Variants in MKKS observed in about 807,000 individuals in gnomAD.
MKKS encodes the protein MKKS centrosomal shuttling protein.
In MKKS, 29 loss-of-function variants were observed where a neutral mutation model predicts 33.2. That is an observed-to-expected ratio of 0.87 (90% confidence interval 0.65 to 1.19). The LOEUF is 1.19. Among genes scored for constraint, MKKS ranks in the 50% most tolerant of loss-of-function variants. MKKS has a pLI of 0.00. For missense variants in MKKS, 661 were observed against 662.3 expected, an observed-to-expected ratio of 1.00 and a Z score of 0.02; for synonymous variants, 260 against 244.0, an observed-to-expected ratio of 1.07 and a Z score of -0.61.
chr20:10,433,212 G>A (rs1327031862), intron 1 of MKKS, among the ~76,000 whole-genome samples: 1 of 152,226 alleles, frequency 6.6e-6, no homozygotes, highest in Non-Finnish European at 1.5e-5. Context: ...CGCCACGTTG[G>A]CCTGGCTGGC....
chr20:10,431,229 G>T (rs1309927291), intron 1 of MKKS, among the ~76,000 whole-genome samples: 5 of 152,048 alleles, frequency 3.3e-5, no homozygotes, highest in Admixed American at 6.6e-5. Context: ...CGAATATTTT[G>T]ACTAAAATTG....
chr20:10,409,675 G>T (rs898238266), intron 3 of MKKS, among the ~76,000 whole-genome samples: 5 of 152,002 alleles, frequency 3.3e-5, no homozygotes, highest in African/African-American at 1.2e-4. Flanking sequence ...GGTTTAGTTT[G>T]AAAGTCTAAA....
chr20:10,427,029 GACACACACACACACACAC>G (rs377703248), intron 1 of MKKS, among the ~76,000 whole-genome samples: 47 of 130,724 alleles, frequency 3.6e-4, no homozygotes, highest in Non-Finnish European at 5.3e-4. Context: ...AGAAAACACT[GACACACACACACACACAC>G]ACACACACAC....
chr20:10,408,943 T>C, intron 3 of MKKS, 140 bp from the exon 4 acceptor site: 1 of 640,914 alleles, frequency 1.6e-6, no homozygotes, highest in Non-Finnish European at 2.7e-6. Context: ...ATAAATAAGA[T>C]GAATATTCCT....
At chr20:10,424,066 C>T (rs190417055) in intron 1 of MKKS, among the ~76,000 whole-genome samples, 1 of 152,262 alleles carries the variant, frequency 6.6e-6, no homozygotes, top group East Asian at 1.9e-4. Context: ...TGATTAGGAT[C>T]AGTATGGAAG....
rs1054177685 is a variant in MKKS, at chr20:10,415,647, C to T, written c.-417-1716G>A. On this transcript the variant is annotated intron_variant, in intron 2 of 5. Transcript: ENST00000347364. ...TCTGAGAAATACATTTAAATGAAAC[C>T]TCACAAAGTGACTTCTATATGTTAA... Among the ~76,000 whole-genome samples the T allele has an allele frequency of 3.3e-5, 5 of 152,150 alleles. No homozygotes were observed. The East Asian group carries it at 7.7e-4, about 23-fold the overall frequency.
In MKKS at chr20:10,413,735, T is replaced by C; in HGVS notation, c.-221A>G. 1.6e-6 allele frequency: 1 copy of C among 614,042 alleles called. No homozygotes were observed. Among genetic ancestry groups the C allele is most frequent in the Non-Finnish European group, 2.8e-6 (1 of 351,010 alleles). 38.0% of individuals were successfully genotyped at this position (614,042 alleles called of 1,614,324 possible). ...AGTAATTCCAAATATTTATTTTACTTCACTCTTCAATACTCTTTTGTTTGC... is the reference window on the plus strand; with the variant it reads ...AGTAATTCCAAATATTTATTTTACTCCACTCTTCAATACTCTTTTGTTTGC... On this transcript the variant is annotated 5_prime_UTR_variant, in exon 3 of 6. The change abolishes the stop of an existing upstream ORF in the 5' untranslated region. Transcript: ENST00000347364.
At position 10,413,518 on chromosome 20, in the gene MKKS, A is replaced by AC; in HGVS notation, c.-5dup. ...TCTTAGCTTCCAAACGAGACATCTT[A>AC]CTTCAGGTGGTAACTAGTGAAGACC... On this transcript the variant is annotated 5_prime_UTR_variant, in exon 3 of 6. Transcript: ENST00000347364. 6.2e-7 allele frequency: 1 copy of AC among 1,614,160 alleles called. No homozygotes were observed. The highest frequency in any genetic ancestry group is 8.5e-7 in the Non-Finnish European group (1 of 1,180,008).
At chr20:10,418,177 G>A (rs2064953955) in intron 2 of MKKS, among the ~76,000 whole-genome samples, 1 of 152,214 alleles carries the variant, frequency 6.6e-6, no homozygotes, top group South Asian at 2.1e-4. Context: ...GGACTACATA[G>A]TGGAGCTTAA....
chr20:10,425,712 C>T (rs2122271019), intron 1 of MKKS, among the ~76,000 whole-genome samples: 1 of 152,296 alleles, frequency 6.6e-6, no homozygotes, highest in East Asian at 1.9e-4. Context: ...ATTTGATGAG[C>T]AGTAACTGGT....
chr20:10,433,819 G>T (rs2065074298), intron 1 of MKKS, among the ~76,000 whole-genome samples: 1 of 152,182 alleles, frequency 6.6e-6, no homozygotes, highest in African/African-American at 2.4e-5. Flanking sequence ...GGCAGCGCAG[G>T]TGGGAGCGTG....
intron 2 of MKKS, among the ~76,000 whole-genome samples, chr20:10,419,026 A>G (rs2064960917): frequency 6.6e-6 from 1 of 152,154 alleles, no homozygotes; most frequent in Admixed American, 6.5e-5. Flanking sequence ...ATGCTCTTCC[A>G]CTTCTGCTTA....
At chr20:10,428,077 T>C (rs1037509032) in intron 1 of MKKS, among the ~76,000 whole-genome samples, 2 of 152,246 alleles carry the variant, frequency 1.3e-5, no homozygotes, top group African/African-American at 4.8e-5. Flanking sequence ...ATAAGTCTTA[T>C]ATGGGGGTTT....
intron 1 of MKKS, among the ~76,000 whole-genome samples, chr20:10,430,554 T>A (rs1296441316): frequency 6.6e-6 from 1 of 152,180 alleles, no homozygotes; most frequent in Non-Finnish European, 1.5e-5. Context: ...CTAAGGGAAG[T>A]GGTCCCCATA....
chr20:10,412,729 G>C lies in MKKS; in HGVS notation c.786C>G (p.Val262=), dbSNP rs1776384675. 1 of 1,613,984 alleles carries C rather than the reference G, an allele frequency of 6.2e-7. No homozygotes were observed. The highest frequency in any genetic ancestry group is 1.3e-5 in the African/African-American group (1 of 74,914). The change falls in exon 3 of 6, where the codon GTC becomes GTG. Residue 262 remains valine, a synonymous_variant. Transcript: ENST00000347364. The part of the protein sequence containing the change: ...TSDTGEGTVV[V]SYGVSLENAV... ...CATTTTCAAGAGAAACCCCATAACT[G>C]ACCACCACAGTTCCTTCTCCAGTGT...
intron 3 of MKKS, among the ~76,000 whole-genome samples, chr20:10,409,212 G>C (rs935802804): frequency 2.0e-5 from 3 of 151,932 alleles, no homozygotes; most frequent in Admixed American, 1.3e-4. Context: ...TTTTTTAAAG[G>C]CATTATTATT....
Position 10,434,154 on chromosome 20 carries a change from C to T in MKKS, c.-695G>A, listed in dbSNP as rs573317188. 1.3e-4 allele frequency: 20 copies of T among 152,702 alleles called. No individual in the cohort carries two copies. The highest frequency in any genetic ancestry group is 4.6e-4 in the African/African-American group (19 of 41,566). The allele number at this position is 152,702 out of a possible 1,614,324, so 9.5% of individuals were successfully genotyped here. ...GCCCCAGGCCGCCACCGCCAGAGGCCCCAGAAACAGATCTCAAGCAGCCGC... is the reference window on the plus strand; with the variant it reads ...GCCCCAGGCCGCCACCGCCAGAGGCTCCAGAAACAGATCTCAAGCAGCCGC... On this transcript the variant is annotated 5_prime_UTR_variant, in exon 1 of 6. Transcript: ENST00000347364.
intron 1 of MKKS, among the ~76,000 whole-genome samples, chr20:10,425,398 C>A (rs2065009198): frequency 6.6e-6 from 1 of 152,178 alleles, no homozygotes; most frequent in Non-Finnish European, 1.5e-5. Flanking sequence ...ACTCCAGAGT[C>A]CATGCTCAAA....
intron 3 of MKKS, among the ~76,000 whole-genome samples, chr20:10,410,900 C>T (rs2064879875): frequency 1.3e-5 from 2 of 152,000 alleles, no homozygotes; most frequent in South Asian, 2.1e-4. Context: ...AGGACTAAAG[C>T]TATGGCTATT....
Sources: gnomAD v4.1 joint callset for allele counts (sites outside exome capture counted in the v4.1 genomes callset) on GRCh38, gnomAD v4.1.1 for gene constraint, MANE v1.5 for transcripts, NCBI Gene and HGNC (gene_info 2026-07-23, HGNC 2026-07-21) for gene names.